The following LAMA2 variants were observed in gnomAD, a reference collection of about 807,000 sequenced individuals.
The protein encoded by LAMA2 is laminin subunit alpha-2.
In LAMA2, 269 loss-of-function variants were observed where a neutral mutation model predicts 364.8. That is an observed-to-expected ratio of 0.74 (90% CI 0.67 to 0.82). The LOEUF is 0.82. Among genes scored for constraint, LAMA2 ranks in the 40% least tolerant of loss-of-function variants. LAMA2 has a pLI of 0.00. For synonymous variants in LAMA2, 1,379 were observed against 1,370.6 expected (o/e 1.01, Z -0.14); for missense variants, 3,807 against 3,873.2 (o/e 0.98, Z 0.45).
chr6:128,978,763 C>T lies in LAMA2; in HGVS notation c.113-71155C>T, dbSNP rs370994607. Among the ~76,000 whole-genome samples, 143 of 152,300 alleles carry T rather than the reference C, an allele frequency of 9.4e-4. 3 individuals carry two copies. In the South Asian group the frequency reaches 0.022, roughly 23 times the overall value. On this transcript the variant is annotated intron_variant, in intron 1 of 64. Coordinates refer to ENST00000421865, the MANE Select transcript of LAMA2 (RefSeq NM_000426.4). ...ATAGTGTGATCTACAAGATAGACAGCAGTCAGTAGACGCTTGCTTCTCTGA... is the reference window on the plus strand; with the variant it reads ...ATAGTGTGATCTACAAGATAGACAGTAGTCAGTAGACGCTTGCTTCTCTGA...
At chr6:128,989,736 T>C (rs2114657041) in intron 1 of LAMA2, among the ~76,000 whole-genome samples, 1 of 152,352 alleles carries the variant, frequency 6.6e-6, no homozygotes. Context: ...TGGGTTAGTT[T>C]ATTTGAGCTG....
At chr6:129,165,186 G>GTT (rs77348632) in intron 8 of LAMA2, among the ~76,000 whole-genome samples, 12 of 140,130 alleles carry the variant, frequency 8.6e-5, no homozygotes, top group South Asian at 2.3e-4. Flanking sequence ...AAATAATTTA[G>GTT]TTTTTTTTTT....
chr6:129,258,521 A>AGAGAATGAC lies in LAMA2; in HGVS notation c.2097-2189_2097-2181dup, dbSNP rs367902886. Among the ~76,000 whole-genome samples the AGAGAATGAC allele has an allele frequency of 9.0e-3, 1,372 of 152,130 alleles. 21 individuals are homozygous for AGAGAATGAC. Among genetic ancestry groups the AGAGAATGAC allele is most frequent in the African/African-American group, 0.031 (1,301 of 41,534 alleles). ...ACAGGGGTTAGAGGAAGAGGGGAAA[A>AGAGAATGAC]GAGAATGACTGCCTAATGGATTCTG... On this transcript the variant is annotated intron_variant, in intron 14 of 64. Transcript: ENST00000421865.
intron 30 of LAMA2, among the ~76,000 whole-genome samples, chr6:129,347,459 G>C (rs1776617271): frequency 6.6e-6 from 1 of 152,106 alleles, no homozygotes; most frequent in Admixed American, 6.6e-5. Flanking sequence ...AGAGATCAAG[G>C]ACATGCCATA....
chr6:129,141,545 A>C (rs914894916), intron 4 of LAMA2, among the ~76,000 whole-genome samples: 2 of 151,970 alleles, frequency 1.3e-5, no homozygotes, highest in African/African-American at 4.8e-5. Flanking sequence ...GTGACACCAG[A>C]ATTAGTTTCT....
At chr6:129,366,057 C>T (rs550146795) in intron 32 of LAMA2, among the ~76,000 whole-genome samples, 162 bp from the exon 33 acceptor site, 69 of 152,130 alleles carry the variant, frequency 4.5e-4, no homozygotes, top group Non-Finnish European at 7.8e-4. Context: ...CTTATCTTTC[C>T]TCAACCATCA....
intron 1 of LAMA2, among the ~76,000 whole-genome samples, chr6:129,007,895 C>A (rs750528152): frequency 2.0e-5 from 3 of 152,104 alleles, no homozygotes; most frequent in Non-Finnish European, 4.4e-5. Flanking sequence ...TGATGGAGAT[C>A]CTGCTGGCGT....
chr6:128,997,316 AAG>A lies in LAMA2; in HGVS notation c.113-52590_113-52589del, dbSNP rs1164445868. On this transcript the variant is annotated intron_variant, in intron 1 of 64. Coordinates refer to ENST00000421865, the MANE Select transcript of LAMA2 (RefSeq NM_000426.4). ...AGAGAAAAGAAGAAAGAAAGAAACA[AAG>A]AGAGAGAGAGAAAGAAAGAGAAAGA... 1.6e-3 allele frequency among the ~76,000 whole-genome samples: 230 copies of A among 142,132 alleles called. 1 individual carries two copies. Among genetic ancestry groups the A allele is most frequent in the Non-Finnish European group, 6.0e-4 (39 of 65,438 alleles). The allele number at this position is 142,132 out of a possible 152,430, so 93.2% of individuals were successfully genotyped here. A position where few individuals can be genotyped will look rare whatever the true frequency, so the allele number is the denominator to read the frequency against.
intron 12 of LAMA2, among the ~76,000 whole-genome samples, chr6:129,245,146 A>G (rs1785663567): frequency 6.6e-6 from 1 of 152,162 alleles, no homozygotes; most frequent in South Asian, 2.1e-4. Flanking sequence ...TTGCCTTAGT[A>G]GATATGGAGA....
Position 129,358,370 on chromosome 6 carries a change from C to A in LAMA2, c.4717+5013C>A, listed in dbSNP as rs1175583385. Among the ~76,000 whole-genome samples, 3 of 151,968 alleles carry A rather than the reference C, an allele frequency of 2.0e-5. No individual in the cohort carries two copies. The East Asian group carries it at 5.8e-4, about 29-fold the overall frequency. ...GAATTATCGTATAGAGACAGCTGAT[C>A]ACTGTTGCCTTTGTTTTCAGCAAGT... On this transcript the variant is annotated intron_variant, in intron 32 of 64. Coordinates refer to ENST00000421865, the MANE Select transcript of LAMA2 (RefSeq NM_000426.4).
rs545325636 is a variant in LAMA2, at chr6:129,266,076, T to G, written c.2209-1030T>G. Among the ~76,000 whole-genome samples the G allele has an allele frequency of 3.3e-5, 5 of 152,210 alleles. No homozygotes were observed. In the East Asian group the frequency reaches 9.7e-4, roughly 30 times the overall value. ...AATTCTATATCCTTTATTACTTCAG[T>G]GGTTTCTCTTCTGTTTTCTTTTTCA... On this transcript the variant is annotated intron_variant, in intron 15 of 64. Transcript: ENST00000421865.
At position 129,189,302 on chromosome 6, in the gene LAMA2, T is replaced by A. The variant is rs574855093; in HGVS notation, c.1468-903T>A. 7.2e-4 allele frequency among the ~76,000 whole-genome samples: 109 copies of A among 152,028 alleles called. 1 individual carries two copies. The South Asian group carries it at 0.022, about 30-fold the overall frequency. On this transcript the variant is annotated intron_variant, in intron 10 of 64. Coordinates refer to ENST00000421865, the MANE Select transcript of LAMA2 (RefSeq NM_000426.4). ...AGGAAGAGGGGAAATGTAGAGAAAA[T>A]GCGTATGTAGGGAATATTACAAATC...
At chr6:129,114,757 A>G (rs1776365123) in intron 4 of LAMA2, among the ~76,000 whole-genome samples, 2 of 151,862 alleles carry the variant, frequency 1.3e-5, no homozygotes, top group East Asian at 1.9e-4. Context: ...TCCTTTGTAC[A>G]TTTCCCCACT....
intron 54 of LAMA2, among the ~76,000 whole-genome samples, chr6:129,480,800 C>T (rs1784307876): frequency 2.6e-5 from 4 of 152,080 alleles, no homozygotes; most frequent in Admixed American, 2.6e-4. Context: ...AAAATGCAGA[C>T]ACAGATAATG....
intron 12 of LAMA2, among the ~76,000 whole-genome samples, chr6:129,225,033 G>A (rs1467616880): frequency 3.3e-5 from 5 of 152,174 alleles, no homozygotes; most frequent in Non-Finnish European, 7.3e-5. Context: ...TCTATTCAGA[G>A]ATTCAACTTC....
chr6:129,097,187 T>C (rs1775238459), intron 3 of LAMA2, among the ~76,000 whole-genome samples: 2 of 152,214 alleles, frequency 1.3e-5, no homozygotes, highest in Admixed American at 6.5e-5. Context: ...TTTATTATTA[T>C]AGCACTTTTC....
chr6:129,270,862 G>A, intron 17 of LAMA2, 111 bp downstream of exon 17: 1 of 1,153,762 alleles, frequency 8.7e-7, no homozygotes. Flanking sequence ...AATAAACACA[G>A]ACATGAATTT....
intron 17 of LAMA2, among the ~76,000 whole-genome samples, chr6:129,279,257 C>A (rs1788538788): frequency 6.6e-6 from 1 of 152,094 alleles, no homozygotes; most frequent in Non-Finnish European, 1.5e-5. Flanking sequence ...GGTAGGGGTT[C>A]ATGTATGAGA....
In LAMA2 at chr6:129,287,948, A is replaced by G. The variant is rs766536888; in HGVS notation, c.2639A>G (p.Asp880Gly). 13 of 1,613,992 alleles carry G rather than the reference A, an allele frequency of 8.1e-6. No homozygotes were observed. The highest frequency in any genetic ancestry group is 3.3e-4 in the Middle Eastern group (2 of 6,084). Residue 880 changes from aspartate (D) to glycine (G), a missense_variant, in exon 19 of 65, where the codon GAC (aspartate) becomes GGC (glycine). Physicochemically the swap from Asp to Gly is moderately conservative, Grantham distance 94. Coordinates refer to ENST00000421865, the MANE Select transcript of LAMA2 (RefSeq NM_000426.4). ...GACTTCTCCATCCCTGGCAGCTGTG[A>G]CAGCTTGTCTGGCTCCTGTCTGATA... Reference protein sequence around the residue: ...NLDFSIPGSCDSLSGSCLICK... With the variant: ...NLDFSIPGSCGSLSGSCLICK...
Sources: allele counts gnomAD v4.1 joint callset (sites outside exome capture counted in the v4.1 genomes callset), GRCh38; gene constraint gnomAD v4.1.1; transcripts MANE v1.5; gene names NCBI Gene and HGNC (gene_info 2026-07-23, HGNC 2026-07-21).